CDH12: variants seen among roughly 807,000 people sequenced by gnomAD.
CDH12 encodes the protein cadherin 12.
A neutral mutation model predicts 74.1 loss-of-function variants in CDH12; 41 were observed. The observed-to-expected ratio is 0.55, with a 90% CI of 0.43 to 0.72. CDH12 has a LOEUF of 0.72. CDH12 is among the 30% of genes least tolerant of loss of function. The pLI is 0.00. For synonymous variants in CDH12, 399 were observed against 355.0 expected (o/e 1.12, Z -1.39); for missense variants, 945 against 977.2 (o/e 0.97, Z 0.44).
At chr5:22,489,048 G>T (rs915996824) in intron 2 of CDH12, among the ~76,000 whole-genome samples, 3 of 47,370 alleles carry the variant, frequency 6.3e-5, no homozygotes, top group African/African-American at 6.9e-5. Context: ...GCAGTTTTTT[G>T]GTACCACCTT....
intron 5 of CDH12, among the ~76,000 whole-genome samples, chr5:22,073,255 C>A (rs532249292): frequency 1.1e-4 from 16 of 151,916 alleles, no homozygotes; most frequent in Non-Finnish European, 2.4e-4. Flanking sequence ...ATTTTTTGCC[C>A]TTTTAAACAG....
At position 21,799,415 on chromosome 5, in the gene CDH12, C is replaced by T. The variant is rs530223683; in HGVS notation, c.1256+2752G>A. Among the ~76,000 whole-genome samples, 3 of 152,080 alleles carry T rather than the reference C, an allele frequency of 2.0e-5. No homozygotes were observed. The East Asian group carries it at 5.8e-4, about 29-fold the overall frequency. On this transcript the variant is annotated intron_variant, in intron 10 of 14. Transcript: ENST00000382254. The stretch of plus-strand genomic sequence containing the variant: ...TAAGGACTTGGAAATATCTCAGCCC[C>T]GTCCGTGTTCCAAAATAATGAGAAA...
At chr5:22,473,407 T>G (rs2126609367) in intron 2 of CDH12, among the ~76,000 whole-genome samples, 1 of 152,244 alleles carries the variant, frequency 6.6e-6, no homozygotes, top group East Asian at 1.9e-4. Flanking sequence ...ACTGCTATAT[T>G]CCAACACTCT....
intron 2 of CDH12, among the ~76,000 whole-genome samples, chr5:22,465,359 C>G (rs984598231): frequency 5.9e-5 from 9 of 152,072 alleles, no homozygotes; most frequent in Non-Finnish European, 1.3e-4. Context: ...AGATCCTAAT[C>G]AAACATGTCA....
chr5:22,036,482 C>T (rs1305963440), intron 5 of CDH12, among the ~76,000 whole-genome samples: 1 of 152,062 alleles, frequency 6.6e-6, no homozygotes, highest in Non-Finnish European at 1.5e-5. Flanking sequence ...TTTCTTATGG[C>T]TAACTGTTCA....
At chr5:21,887,894 G>A (rs1031340317) in intron 6 of CDH12, among the ~76,000 whole-genome samples, 1 of 132,742 alleles carries the variant, frequency 7.5e-6, no homozygotes, top group Admixed American at 8.4e-5. Context: ...ACATAAGCAA[G>A]AATTGCCCCA....
intron 1 of CDH12, among the ~76,000 whole-genome samples, chr5:22,793,013 A>G (rs575103563): frequency 9.8e-5 from 15 of 152,340 alleles, no homozygotes; most frequent in East Asian, 5.8e-4. Flanking sequence ...ATGCACCCCA[A>G]GGTATGGTAC....
chr5:22,348,705 G>A (rs1379445700), intron 3 of CDH12, among the ~76,000 whole-genome samples: 1 of 152,052 alleles, frequency 6.6e-6, no homozygotes, highest in East Asian at 1.9e-4. Context: ...TGGTACTAAT[G>A]GTATCAGCCT....
At chr5:22,444,395 A>G in intron 2 of CDH12, among the ~76,000 whole-genome samples, 1 of 152,108 alleles carries the variant, frequency 6.6e-6, no homozygotes, top group East Asian at 1.9e-4. Context: ...AGCTAATACT[A>G]TTCAGGTAAA....
intron 4 of CDH12, among the ~76,000 whole-genome samples, chr5:22,154,533 G>A (rs1179038824): frequency 2.9e-4 from 10 of 34,226 alleles, no homozygotes; most frequent in African/African-American, 1.2e-3. Context: ...ATACACATAT[G>A]TATATATGTA....
Position 22,078,599 on chromosome 5 carries a change from C to T in CDH12, c.78G>A (p.Gln26=). The change falls in exon 5 of 15, where the codon CAG becomes CAA. Residue 26 remains glutamine (Q), a synonymous_variant. Transcript: ENST00000382254. ...GCTCTGTGGCTAAAGTCTGCTGTGG[C>T]TGTGGTTGTAGTGGTGTTAGGAGAC... ...DGGLLTPLQP[Q]PQQTLATEPR... The T allele has an allele frequency of 6.2e-7, 1 of 1,613,902 alleles. No homozygotes were observed. Among genetic ancestry groups the T allele is most frequent in the South Asian group, 1.1e-5 (1 of 91,076 alleles).
At chr5:22,563,007 TA>T (rs1386037336) in intron 1 of CDH12, among the ~76,000 whole-genome samples, 8 of 147,244 alleles carry the variant, frequency 5.4e-5, no homozygotes, top group African/African-American at 2.0e-4. Flanking sequence ...TATATGCAAA[TA>T]TATATTTCTA....
intron 1 of CDH12, among the ~76,000 whole-genome samples, chr5:22,771,604 A>G (rs1312222593): frequency 2.0e-5 from 3 of 152,146 alleles, no homozygotes; most frequent in Non-Finnish European, 4.4e-5. Flanking sequence ...AGAAAATGCT[A>G]TTGCTACAAG....
chr5:22,137,746 A>C (rs2150293917), intron 4 of CDH12, among the ~76,000 whole-genome samples: 1 of 152,202 alleles, frequency 6.6e-6, no homozygotes, highest in South Asian at 2.1e-4. Context: ...CATTGCCAAA[A>C]ACAGGCACAA....
intron 3 of CDH12, chr5:22,277,928 G>C (rs1736713687): frequency 6.6e-6 from 1 of 152,478 alleles, no homozygotes; most frequent in African/African-American, 2.4e-5. Flanking sequence ...ACATAAGTGA[G>C]CAGCATGCAA....
At chr5:22,676,337 A>G (rs1741188475) in intron 1 of CDH12, among the ~76,000 whole-genome samples, 1 of 152,192 alleles carries the variant, frequency 6.6e-6, no homozygotes, top group Non-Finnish European at 1.5e-5. Context: ...AATTTTGCTT[A>G]TGGCACAAAG....
chr5:22,764,845 G>C (rs1205356331), intron 1 of CDH12, among the ~76,000 whole-genome samples: 8 of 151,904 alleles, frequency 5.3e-5, no homozygotes, highest in Admixed American at 3.9e-4. Context: ...AAAATATCAA[G>C]ATCATGAAAG....
At chr5:22,721,677 T>C (rs987698626) in intron 1 of CDH12, among the ~76,000 whole-genome samples, 1 of 152,124 alleles carries the variant, frequency 6.6e-6, no homozygotes, top group Non-Finnish European at 1.5e-5. Context: ...TGTCTCTGTT[T>C]TCCCACCCAA....
intron 8 of CDH12, among the ~76,000 whole-genome samples, chr5:21,840,838 C>A (rs1254125978): frequency 6.6e-6 from 1 of 152,144 alleles, no homozygotes; most frequent in Non-Finnish European, 1.5e-5. Context: ...CTTCCTTACA[C>A]CTTACACAAA....
Sources: gnomAD v4.1 joint callset for allele counts (sites outside exome capture counted in the v4.1 genomes callset) on GRCh38, gnomAD v4.1.1 for gene constraint, MANE v1.5 for transcripts, NCBI Gene and HGNC (gene_info 2026-07-23, HGNC 2026-07-21) for gene names.